DACH2: variants seen among roughly 807,000 people sequenced by gnomAD.
The protein encoded by DACH2 is dachshund homolog 2.
In DACH2, 17 loss-of-function variants were observed where a neutral mutation model predicts 35.8. The ratio of observed to expected loss-of-function variants is 0.48; its 90% CI spans 0.33 to 0.71. The LOEUF (loss-of-function observed/expected upper bound fraction) is 0.71. DACH2 is among the 30% of genes least tolerant of loss of function. The pLI, the probability that DACH2 is intolerant of heterozygous loss-of-function variation, is 0.02. For missense variants in DACH2, 469 were observed against 472.7 expected (o/e 0.99, Z 0.07); for synonymous variants, 195 against 177.3 (o/e 1.10, Z -0.79).
At chrX:86,338,635 C>T (rs2035360012) in intron 1 of DACH2, among the ~76,000 whole-genome samples, 1 of 111,484 alleles carries the variant, frequency 9.0e-6, no homozygotes, top group South Asian at 3.7e-4. Flanking sequence ...GAAATCAACA[C>T]CCTAACATCA....
intron 3 of DACH2, among the ~76,000 whole-genome samples, chrX:86,609,236 C>T (rs2039898124): frequency 9.0e-6 from 1 of 111,585 alleles, no homozygotes; most frequent in African/African-American, 3.3e-5. Context: ...GTTTTTTCTT[C>T]TTGATAATTC....
intron 1 of DACH2, among the ~76,000 whole-genome samples, chrX:86,156,590 A>C (rs956608052): frequency 1.8e-5 from 2 of 111,698 alleles, no homozygotes; most frequent in Non-Finnish European, 3.8e-5. Context: ...TATATCTTCA[A>C]AGCAAGTATG....
chrX:86,281,621 A>G (rs1409932573), intron 1 of DACH2, among the ~76,000 whole-genome samples: 2 of 110,132 alleles, frequency 1.8e-5, no homozygotes, highest in African/African-American at 6.7e-5. Context: ...CACCACTTCT[A>G]TTCAACATAA....
rs180759533 is a variant in DACH2 at position 86,787,772 on chromosome X, G to A, written c.1241-25084G>A. On this transcript the variant is annotated intron_variant, in intron 7 of 11. Coordinates refer to ENST00000373125, the MANE Select transcript of DACH2 (RefSeq NM_053281.3). Reference sequence around the variant, plus strand: ...GCAACTTGTTATTTTGTTAGCTGCAGAAAATCCATATGTGTCTGAGCAACC... The same window carrying A: ...GCAACTTGTTATTTTGTTAGCTGCAAAAAATCCATATGTGTCTGAGCAACC... 5.4e-5 allele frequency among the ~76,000 whole-genome samples: 6 copies of A among 112,024 alleles called. No homozygotes were observed. The Admixed American group carries it at 5.7e-4, about 11-fold the overall frequency.
intron 1 of DACH2, among the ~76,000 whole-genome samples, chrX:86,163,331 C>T (rs750329122): frequency 1.6e-4 from 18 of 111,388 alleles, no homozygotes; most frequent in Non-Finnish European, 2.6e-4. Flanking sequence ...TATTTCACTT[C>T]GCATAATGAT....
At chrX:86,251,712 A>G (rs748602800) in intron 1 of DACH2, among the ~76,000 whole-genome samples, 2 of 111,782 alleles carry the variant, frequency 1.8e-5, no homozygotes, top group African/African-American at 3.2e-5. Context: ...GTATATATGT[A>G]TACCACATTG....
At chrX:86,194,020 TC>T (rs1039627289) in intron 1 of DACH2, among the ~76,000 whole-genome samples, 11 of 110,749 alleles carry the variant, frequency 9.9e-5, no homozygotes, top group Non-Finnish European at 2.1e-4. Flanking sequence ...GATATGATCT[TC>T]CTTTCCCACT....
chrX:86,289,747 G>T (rs990798273), intron 1 of DACH2, among the ~76,000 whole-genome samples: 2 of 109,088 alleles, frequency 1.8e-5, no homozygotes, highest in Admixed American at 2.0e-4. Flanking sequence ...CAAAGGACAT[G>T]AACTCATCAT....
At chrX:86,743,705 T>C (rs1316069430) in intron 7 of DACH2, among the ~76,000 whole-genome samples, 1 of 111,503 alleles carries the variant, frequency 9.0e-6, no homozygotes, top group Non-Finnish European at 1.9e-5. Flanking sequence ...TTGGTTTCCT[T>C]GCCACATGTT....
chrX:86,319,623 C>A (rs1338696085), intron 1 of DACH2, among the ~76,000 whole-genome samples: 4 of 111,892 alleles, frequency 3.6e-5, no homozygotes, highest in Non-Finnish European at 7.5e-5. Flanking sequence ...ATTTAGCAAA[C>A]CTAGTATCTG....
chrX:86,553,666 A>G (rs993572155), intron 3 of DACH2, among the ~76,000 whole-genome samples: 2 of 111,906 alleles, frequency 1.8e-5, no homozygotes, highest in Non-Finnish European at 3.8e-5. Flanking sequence ...TTTTGTAGGT[A>G]GGTAGGAAAG....
chrX:86,498,934 G>C (rs926414157), intron 2 of DACH2, among the ~76,000 whole-genome samples: 1 of 111,483 alleles, frequency 9.0e-6, no homozygotes, highest in African/African-American at 3.3e-5. Context: ...ACTTTTAAAT[G>C]TTGTTTCTGG....
At chrX:86,667,271 AAG>A (rs1286039819) in intron 4 of DACH2, among the ~76,000 whole-genome samples, 2 of 77,819 alleles carry the variant, frequency 2.6e-5, no homozygotes, top group Admixed American at 1.6e-4. Flanking sequence ...GAGAGAGAGA[AAG>A]AGAGAGAGAG....
At chrX:86,296,960 A>G (rs1278558167) in intron 1 of DACH2, among the ~76,000 whole-genome samples, 1 of 108,389 alleles carries the variant, frequency 9.2e-6, no homozygotes, top group Non-Finnish European at 1.9e-5. Context: ...ATACACATGC[A>G]TGCACATATA....
intron 1 of DACH2, among the ~76,000 whole-genome samples, chrX:86,366,174 C>T (rs1243523156): frequency 9.0e-6 from 1 of 110,702 alleles, no homozygotes; most frequent in African/African-American, 3.3e-5. Flanking sequence ...ACCAAAGGGT[C>T]TTCCTTTTGG....
At chrX:86,369,370 A>T (rs1032197384) in intron 1 of DACH2, among the ~76,000 whole-genome samples, 2 of 111,009 alleles carry the variant, frequency 1.8e-5, no homozygotes, top group African/African-American at 6.5e-5. Context: ...AATCCTTGTC[A>T]GGGATTAAGT....
intron 3 of DACH2, among the ~76,000 whole-genome samples, chrX:86,633,765 G>T (rs1304119004): frequency 9.0e-6 from 1 of 111,609 alleles, no homozygotes; most frequent in African/African-American, 3.3e-5. Context: ...GAACTAAATG[G>T]TAATACACCA....
At chrX:86,673,088 C>A (rs2040784658) in intron 4 of DACH2, among the ~76,000 whole-genome samples, 2 of 111,190 alleles carry the variant, frequency 1.8e-5, no homozygotes, top group Admixed American at 1.9e-4. Context: ...GTAATCCCAG[C>A]ACTTTGGGAG....
At chrX:86,747,371 T>C (rs2041724183) in intron 7 of DACH2, among the ~76,000 whole-genome samples, 3 of 111,605 alleles carry the variant, frequency 2.7e-5, no homozygotes, top group African/African-American at 9.8e-5. Context: ...CTTCCAGCAA[T>C]GTTTTGTCGT....
Sources: gnomAD v4.1 joint callset for allele counts (sites outside exome capture counted in the v4.1 genomes callset) on GRCh38, gnomAD v4.1.1 for gene constraint, MANE v1.5 for transcripts, NCBI Gene and HGNC (gene_info 2026-07-23, HGNC 2026-07-21) for gene names.